Variants in PABPC4L observed in about 807,000 individuals in gnomAD.
PABPC4L encodes the protein polyadenylate-binding protein 4-like.
For missense variants in PABPC4L, 452 were observed against 451.4 expected, an observed-to-expected ratio of 1.00 and a Z score of -0.01; for synonymous variants, 169 against 164.1, an observed-to-expected ratio of 1.03 and a Z score of -0.23.
At chr4:134,013,317 C>A in the PABPC4L span, among the ~76,000 whole-genome samples, 177 of 152,064 alleles carry the variant, frequency 1.2e-3, no homozygotes, top group African/African-American at 3.9e-3. Flanking sequence ...TATTTCCACA[C>A]CGCGACCCCT....
chr4:134,191,210 A>G, the PABPC4L span, among the ~76,000 whole-genome samples: 2 of 152,096 alleles, frequency 1.3e-5, no homozygotes, highest in African/African-American at 4.8e-5. Context: ...TTGATTCTAT[A>G]TATACCAATT....
chr4:134,090,063 G>A, the PABPC4L span, among the ~76,000 whole-genome samples: 3 of 151,940 alleles, frequency 2.0e-5, no homozygotes, highest in African/African-American at 2.4e-5. Context: ...GGATTACTCC[G>A]TTCTCAGGTA....
At chr4:134,157,006 TATTA>T in the PABPC4L span, among the ~76,000 whole-genome samples, 1 of 151,948 alleles carries the variant, frequency 6.6e-6, no homozygotes, top group Non-Finnish European at 1.5e-5. Context: ...TTAAAAATGA[TATTA>T]ATTCAATTTT....
the PABPC4L span, among the ~76,000 whole-genome samples, chr4:134,066,375 T>G: frequency 6.6e-6 from 1 of 152,056 alleles, no homozygotes; most frequent in Non-Finnish European, 1.5e-5. Flanking sequence ...ATGCTACTGA[T>G]TTTTTTAGAT....
At chr4:133,955,165 T>C in the PABPC4L span, among the ~76,000 whole-genome samples, 1 of 152,092 alleles carries the variant, frequency 6.6e-6, no homozygotes, top group Non-Finnish European at 1.5e-5. Flanking sequence ...TGTGAAAAAT[T>C]AAATCTAGAA....
the PABPC4L span, among the ~76,000 whole-genome samples, chr4:134,055,975 T>C: frequency 6.6e-6 from 1 of 152,010 alleles, no homozygotes; most frequent in East Asian, 1.9e-4. Flanking sequence ...TGATGTATTT[T>C]GAGCTAATAT....
the PABPC4L span, among the ~76,000 whole-genome samples, chr4:134,117,225 C>T: frequency 6.1e-3 from 920 of 151,836 alleles, 3 homozygotes; most frequent in South Asian, 0.025. Context: ...CCTGTTGTGT[C>T]TGAGCAGGCT....
the PABPC4L span, among the ~76,000 whole-genome samples, chr4:134,082,422 T>C: frequency 1.3e-5 from 2 of 152,152 alleles, no homozygotes; most frequent in Non-Finnish European, 2.9e-5. Context: ...AAAGGTCAGC[T>C]ATTCCATAGG....
At chr4:134,050,880 A>ATT in the PABPC4L span, among the ~76,000 whole-genome samples, 1 of 134,730 alleles carries the variant, frequency 7.4e-6, no homozygotes. Context: ...ATTGACCTTT[A>ATT]TTTTTTTTTT....
chr4:134,011,397 T>A, the PABPC4L span, among the ~76,000 whole-genome samples: 1 of 152,200 alleles, frequency 6.6e-6, no homozygotes, highest in East Asian at 1.9e-4. Flanking sequence ...TGAAAAAAAA[T>A]TCCAGGAATA....
the PABPC4L span, among the ~76,000 whole-genome samples, chr4:134,162,055 C>A: frequency 6.6e-6 from 1 of 150,944 alleles, no homozygotes; most frequent in Non-Finnish European, 1.5e-5. Flanking sequence ...CATTGTAATC[C>A]CAAAGCAAAA....
the PABPC4L span, among the ~76,000 whole-genome samples, chr4:134,051,644 G>A: frequency 1.3e-5 from 2 of 152,060 alleles, no homozygotes; most frequent in Admixed American, 6.6e-5. Context: ...TAAATAAGCC[G>A]AGGGGAGTTA....
At chr4:134,023,581 T>G in the PABPC4L span, among the ~76,000 whole-genome samples, 1 of 152,094 alleles carries the variant, frequency 6.6e-6, no homozygotes, top group African/African-American at 2.4e-5. Context: ...TTTAAATGTA[T>G]TCCCAATTTC....
chr4:134,123,778 A>G, the PABPC4L span, among the ~76,000 whole-genome samples: 1 of 152,042 alleles, frequency 6.6e-6, no homozygotes, highest in Non-Finnish European at 1.5e-5. Flanking sequence ...GCATAGAAGA[A>G]ATATCAGATG....
chr4:134,062,799 T>G, the PABPC4L span, among the ~76,000 whole-genome samples: 1 of 152,078 alleles, frequency 6.6e-6, no homozygotes, highest in South Asian at 2.1e-4. Context: ...TTCTTAAAAC[T>G]TTCATTAATA....
At chr4:134,178,365 CAAAAAAAA>C in the PABPC4L span, among the ~76,000 whole-genome samples, 1 of 104,062 alleles carries the variant, frequency 9.6e-6, no homozygotes, top group Non-Finnish European at 2.0e-5. Context: ...AAGAAAAAAG[CAAAAAAAA>C]AAAAAAAAAA....
At chr4:134,070,550 G>A in the PABPC4L span, among the ~76,000 whole-genome samples, 5 of 152,134 alleles carry the variant, frequency 3.3e-5, no homozygotes, top group Admixed American at 6.5e-5. Context: ...GCTCATGCCA[G>A]CTGCAGTGTC....
downstream of PABPC4L, among the ~76,000 whole-genome samples, chr4:134,191,535 G>A (rs944334126): frequency 1.3e-5 from 2 of 151,986 alleles, no homozygotes; most frequent in Non-Finnish European, 2.9e-5. Context: ...ATTAATATCA[G>A]GAAATAATTT....
chr4:134,195,510 G>A (rs908935652), downstream of PABPC4L, among the ~76,000 whole-genome samples: 1 of 151,768 alleles, frequency 6.6e-6, no homozygotes, highest in African/African-American at 2.4e-5. Flanking sequence ...TGCTATTAGT[G>A]TTTGGCAAAA....
Sources: gnomAD v4.1 joint callset for allele counts (sites outside exome capture counted in the v4.1 genomes callset) on GRCh38, gnomAD v4.1.1 for gene constraint, MANE v1.5 for transcripts, NCBI Gene and HGNC (gene_info 2026-07-23, HGNC 2026-07-21) for gene names.